CERT1: variants seen among roughly 807,000 people sequenced by gnomAD.
CERT1 encodes ceramide transporter 1, also known as ceramide transfer protein.
In CERT1, 31 loss-of-function variants were observed where a neutral mutation model predicts 87.9. The ratio of observed to expected loss-of-function variants is 0.35; its 90% confidence interval spans 0.27 to 0.48. The LOEUF (loss-of-function observed/expected upper bound fraction) is 0.48, where lower values mean the gene tolerates loss of function less well. CERT1 is among the 20% of genes least tolerant of loss of function. The pLI, the probability that CERT1 is intolerant of heterozygous loss-of-function variation, is 0.99. For missense variants in CERT1, 487 were observed against 758.0 expected (o/e 0.64, Z 4.20); for synonymous variants, 289 against 250.9 (o/e 1.15, Z -1.44).
At chr5:75,504,961 A>C (rs1177279425) in intron 2 of CERT1, among the ~76,000 whole-genome samples, 1 of 152,182 alleles carries the variant, frequency 6.6e-6, no homozygotes, top group East Asian at 1.9e-4. Flanking sequence ...GAGTGCAAAA[A>C]GGAACAGTTG....
At chr5:75,480,717 T>A (rs1186606544) in intron 2 of CERT1, among the ~76,000 whole-genome samples, 18 of 152,184 alleles carry the variant, frequency 1.2e-4, no homozygotes, top group Non-Finnish European at 5.9e-5. Context: ...GGCTTCCACA[T>A]TTCTGTAAAT....
intron 2 of CERT1, among the ~76,000 whole-genome samples, chr5:75,472,309 A>T (rs528705962): frequency 6.6e-6 from 1 of 152,364 alleles, no homozygotes; most frequent in South Asian, 2.1e-4. Context: ...TATAAGACCT[A>T]AAACTATGAA....
At chr5:75,386,391 C>G (rs1366674242) in intron 12 of CERT1, among the ~76,000 whole-genome samples, 1 of 152,094 alleles carries the variant, frequency 6.6e-6, no homozygotes, top group Non-Finnish European at 1.5e-5. Context: ...CTTAAAGATA[C>G]TAAATTAAGT....
intron 3 of CERT1, among the ~76,000 whole-genome samples, chr5:75,434,501 C>T (rs1764006836): frequency 6.6e-6 from 1 of 152,010 alleles, no homozygotes; most frequent in Non-Finnish European, 1.5e-5. Flanking sequence ...ATGCTGGCCT[C>T]AGAATGAGTT....
intron 2 of CERT1, among the ~76,000 whole-genome samples, chr5:75,471,771 AAAAAG>A (rs1420798996): frequency 4.6e-5 from 7 of 151,574 alleles, no homozygotes; most frequent in Non-Finnish European, 7.4e-5. Context: ...AAAAAAAAAA[AAAAAG>A]AAAAGGTGGT....
At chr5:75,490,797 C>A (rs1011621462) in intron 2 of CERT1, among the ~76,000 whole-genome samples, 5 of 152,136 alleles carry the variant, frequency 3.3e-5, no homozygotes, top group Admixed American at 6.5e-5. Flanking sequence ...TGTGCCCAGC[C>A]TAAATTTTCA....
chr5:75,491,435 T>C (rs1766793455), intron 2 of CERT1, among the ~76,000 whole-genome samples: 1 of 152,226 alleles, frequency 6.6e-6, no homozygotes, highest in Non-Finnish European at 1.5e-5. Context: ...TCTAGCCCTT[T>C]AAAGTACTTA....
intron 2 of CERT1, among the ~76,000 whole-genome samples, chr5:75,503,219 T>C (rs1206485019): frequency 6.6e-6 from 1 of 151,976 alleles, no homozygotes; most frequent in Non-Finnish European, 1.5e-5. Context: ...ACAAATAATA[T>C]AGTAATGAAT....
chr5:75,427,596 C>G (rs1580755144), intron 3 of CERT1, among the ~76,000 whole-genome samples: 1 of 152,110 alleles, frequency 6.6e-6, no homozygotes, highest in African/African-American at 2.4e-5. Flanking sequence ...CAGTAAAACT[C>G]AAGTCTCAAA....
At position 75,379,315 on chromosome 5, in the gene CERT1, G is replaced by T. The variant is rs1761457638; in HGVS notation, c.*31C>A. The T allele has an allele frequency of 6.4e-7, 1 of 1,563,754 alleles. No individual in the cohort carries two copies. Among genetic ancestry groups the T allele is most frequent in the South Asian group, 1.2e-5 (1 of 85,618 alleles). On this transcript the variant is annotated 3_prime_UTR_variant, in exon 17 of 17. Transcript: ENST00000643780. ...TATTAGTCAAATAAAGTTAAAAAAA[G>T]ATAAAACATATCTTCTAGTACCTGT...
intron 2 of CERT1, among the ~76,000 whole-genome samples, chr5:75,471,442 T>C (rs1265982021): frequency 6.6e-6 from 1 of 152,192 alleles, no homozygotes; most frequent in East Asian, 1.9e-4. Context: ...AGCCCCATTA[T>C]GACCTTATGG....
chr5:75,462,759 C>T (rs972589885), intron 2 of CERT1, among the ~76,000 whole-genome samples: 5 of 151,816 alleles, frequency 3.3e-5, no homozygotes, highest in African/African-American at 7.3e-5. Context: ...CTTTGGGAGG[C>T]GAGGTGGGTG....
chr5:75,396,343 TTTAA>T (rs1762252764), intron 11 of CERT1, among the ~76,000 whole-genome samples: 1 of 152,224 alleles, frequency 6.6e-6, no homozygotes, highest in South Asian at 2.1e-4. Context: ...GACTTAGTTT[TTTAA>T]TTAATTATGA....
chr5:75,374,900 G>A (rs904517897), downstream of CERT1: 2 of 372,252 alleles, frequency 5.4e-6, no homozygotes, highest in Admixed American at 3.3e-5. Flanking sequence ...GAGTGTATCT[G>A]TGCCACCTAG....
At chr5:75,439,409 T>C (rs964236932) in intron 3 of CERT1, among the ~76,000 whole-genome samples, 2 of 152,044 alleles carry the variant, frequency 1.3e-5, no homozygotes, top group African/African-American at 4.8e-5. Flanking sequence ...GAAAACCTTC[T>C]TCTTTTTCCT....
intron 3 of CERT1, among the ~76,000 whole-genome samples, chr5:75,432,903 ATCT>A (rs200004514): frequency 0.023 from 3,481 of 152,268 alleles, 55 homozygotes; most frequent in Non-Finnish European, 0.033. Context: ...TCCAGTTTCA[ATCT>A]TCTGCATATG....
downstream of CERT1, chr5:75,374,006 C>G (rs1761182618): frequency 2.5e-6 from 1 of 398,094 alleles, no homozygotes; most frequent in Non-Finnish European, 4.4e-6. Context: ...GCAAGGAGAT[C>G]TAGCAAGAGA....
intron 1 of CERT1, 103 bp from the exon 2 acceptor site, chr5:75,506,219 G>A (rs1031236908): frequency 1.7e-5 from 18 of 1,085,122 alleles, no homozygotes; most frequent in Admixed American, 2.6e-5. Context: ...AAACCAAAAC[G>A]TGAAAAGTCC....
At chr5:75,471,389 G>A (rs190098197) in intron 2 of CERT1, among the ~76,000 whole-genome samples, 1 of 152,254 alleles carries the variant, frequency 6.6e-6, no homozygotes, top group East Asian at 1.9e-4. Context: ...TTAAGCTGTG[G>A]TCTTATGATG....
Sources: allele counts gnomAD v4.1 joint callset (sites outside exome capture counted in the v4.1 genomes callset), GRCh38; gene constraint gnomAD v4.1.1; transcripts MANE v1.5; gene names NCBI Gene and HGNC (gene_info 2026-07-23, HGNC 2026-07-21).